Variants in NCOR2 observed in about 807,000 individuals in gnomAD.
NCOR2 encodes the protein CTG repeat protein 26.
A neutral mutation model predicts 262.9 loss-of-function variants in NCOR2; 81 were observed. The ratio of observed to expected loss-of-function variants is 0.31; its 90% CI spans 0.26 to 0.37. The LOEUF (loss-of-function observed/expected upper bound fraction) is 0.37. NCOR2 is among the 10% of genes least tolerant of loss of function. NCOR2 has a pLI of 1.00. For missense variants in NCOR2, 3,385 were observed against 3,621.4 expected, an observed-to-expected ratio of 0.93 and a Z score of 1.68; for synonymous variants, 1,659 against 1,559.3, an observed-to-expected ratio of 1.06 and a Z score of -1.51.
intron 45 of NCOR2, 55 bp from the exon 48 acceptor site, chr12:124,326,425 C>T (rs964534063): frequency 8.5e-6 from 12 of 1,405,258 alleles, no homozygotes; most frequent in South Asian, 4.8e-5. Context: ...ACAGCACCGA[C>T]GCTACGGTGG....
chr12:124,423,931 G>A (rs1388480272), intron 11 of NCOR2, among the ~76,000 whole-genome samples: 3 of 152,178 alleles, frequency 2.0e-5, no homozygotes, highest in Admixed American at 6.5e-5. Context: ...GCCCCATGCC[G>A]TCAGTAGGTG....
intron 1 of NCOR2, among the ~76,000 whole-genome samples, chr12:124,557,218 TG>T (rs2051911804): frequency 6.6e-6 from 1 of 152,184 alleles, no homozygotes; most frequent in African/African-American, 2.4e-5. Context: ...TGATGGGAGC[TG>T]TGTTCCCTTC....
At chr12:124,480,584 G>A (rs907746985) in intron 3 of NCOR2, among the ~76,000 whole-genome samples, 4 of 152,048 alleles carry the variant, frequency 2.6e-5, no homozygotes, top group Admixed American at 1.3e-4. Context: ...CCTCACCACC[G>A]CCACCGTCTA....
intron 1 of NCOR2, among the ~76,000 whole-genome samples, chr12:124,557,049 G>A (rs939291568): frequency 4.6e-5 from 7 of 152,356 alleles, no homozygotes; most frequent in South Asian, 2.1e-4. Context: ...GGCCCACGCC[G>A]GGGCAGAGGG....
intron 14 of NCOR2, among the ~76,000 whole-genome samples, chr12:124,402,198 GA>G (rs1371692499): frequency 6.6e-6 from 1 of 152,166 alleles, no homozygotes; most frequent in Non-Finnish European, 1.5e-5. Flanking sequence ...GGGCGGAGGA[GA>G]GGGGGGAGCC....
Position 124,531,502 on chromosome 12 carries a change from G to A in NCOR2, c.-118+4063C>T, listed in dbSNP as rs1289365444. On this transcript the variant is annotated intron_variant, in intron 1 of 46. Coordinates refer to the NCOR2 transcript ENST00000404621. This position sits in a 1 kb window ranked among gnomAD's most constrained non-coding sequence, Gnocchi z 4.5. ...CTGTGGGGAGAAGGAGGGAGGAGAA[G>A]GAGGGGTAGGGAGCAGGAAGGAAGG... 1.3e-5 allele frequency among the ~76,000 whole-genome samples: 2 copies of A among 152,210 alleles called. No individual in the cohort carries two copies. The highest frequency in any genetic ancestry group is 4.8e-5 in the African/African-American group (2 of 41,454).
At chr12:124,478,143 G>A (rs915294564) in intron 3 of NCOR2, among the ~76,000 whole-genome samples, 5 of 152,156 alleles carry the variant, frequency 3.3e-5, no homozygotes, top group Non-Finnish European at 7.3e-5. Flanking sequence ...AGGAAGGCCT[G>A]GAGTCACCGG....
exon 34 of NCOR2, chr12:124,341,825 C>T (rs773550297): frequency 1.6e-5 from 26 of 1,597,656 alleles, no homozygotes; most frequent in Non-Finnish European, 2.1e-5. Context: ...CCACTCACCT[C>T]GGGGACCCGC....
intron 3 of NCOR2, among the ~76,000 whole-genome samples, chr12:124,475,892 T>C (rs1210342654): frequency 6.6e-6 from 1 of 151,952 alleles, no homozygotes. Context: ...CCACGTGGGG[T>C]CCCAGCCACA....
intron 27 of NCOR2, 105 bp from the exon 30 acceptor site, chr12:124,350,842 A>C: frequency 8.2e-7 from 1 of 1,224,578 alleles, no homozygotes; most frequent in Non-Finnish European, 1.1e-6. Context: ...CCACCGATGC[A>C]CACGCGTGTC....
At chr12:124,545,040 G>A (rs1374894511) in intron 1 of NCOR2, among the ~76,000 whole-genome samples, 1 of 152,130 alleles carries the variant, frequency 6.6e-6, no homozygotes, top group Non-Finnish European at 1.5e-5. Context: ...GATGCCAGGG[G>A]CTACTCTGAA....
intron 16 of NCOR2, chr12:124,388,871 A>G: frequency 2.7e-5 from 3 of 109,592 alleles, no homozygotes; most frequent in Non-Finnish European, 3.5e-5. Context: ...ACGGTGAGGG[A>G]GGGAGGGAGG....
At chr12:124,331,645 A>G (rs918590788) in intron 43 of NCOR2, 1 of 154,446 alleles carries the variant, frequency 6.5e-6, no homozygotes, top group South Asian at 2.0e-4. Context: ...GGGTCTTGCT[A>G]TGTTGCACAG....
intron 5 of NCOR2, among the ~76,000 whole-genome samples, chr12:124,461,350 C>T (rs191754109): frequency 6.2e-4 from 94 of 152,340 alleles, no homozygotes; most frequent in African/African-American, 2.2e-3. Context: ...TGAGCGGCCC[C>T]GCTCACCGTG....
Position 124,483,533 on chromosome 12 carries a change from C to A in NCOR2, c.411+63G>T. ...GCACCCCTACCCACCACCTCCCACC[C>A]AGCCCAACCAGCAGCAGAACCTCAA... On this transcript the variant is annotated intron_variant, in intron 3 of 46. Coordinates refer to ENST00000405201, the Ensembl canonical transcript of NCOR2. This position sits in a 1 kb window ranked among gnomAD's most constrained non-coding sequence, Gnocchi z 6.3. 2.7e-6 allele frequency: 4 copies of A among 1,458,874 alleles called. No individual in the cohort carries two copies. The highest frequency in any genetic ancestry group is 1.4e-5 in the South Asian group (1 of 69,192). 90.4% of individuals were successfully genotyped at this position (1,458,874 alleles called of 1,614,324 possible). A position where few individuals can be genotyped will look rare whatever the true frequency, so the allele number is the denominator to read the frequency against.
chr12:124,442,913 C>T (rs906447591), intron 7 of NCOR2, among the ~76,000 whole-genome samples: 2 of 152,136 alleles, frequency 1.3e-5, no homozygotes, highest in Non-Finnish European at 1.5e-5. Flanking sequence ...CGAACAGACA[C>T]GGGAAGAACA....
chr12:124,459,284 A>G (rs2046040731), intron 5 of NCOR2, among the ~76,000 whole-genome samples: 1 of 152,136 alleles, frequency 6.6e-6, no homozygotes, highest in South Asian at 2.1e-4. Flanking sequence ...TAGCACCTAG[A>G]GAGCAAGGAA....
At chr12:124,349,338 T>C (rs2037230197) in intron 28 of NCOR2, among the ~76,000 whole-genome samples, 1 of 152,164 alleles carries the variant, frequency 6.6e-6, no homozygotes, top group Non-Finnish European at 1.5e-5. Context: ...TCAGAGGGAA[T>C]GAGCAACTGA....
chr12:124,436,489 G>A (rs2044343787), intron 8 of NCOR2, among the ~76,000 whole-genome samples: 1 of 152,236 alleles, frequency 6.6e-6, no homozygotes, highest in African/African-American at 2.4e-5. Context: ...TTCCCCAGGT[G>A]GGGACCTTTT....
Sources: gnomAD v4.1 joint callset for allele counts (sites outside exome capture counted in the v4.1 genomes callset) on GRCh38, gnomAD v4.1.1 for gene constraint, Gnocchi (gnomAD v3.1) non-coding constraint, MANE v1.5 for transcripts, NCBI Gene and HGNC (gene_info 2026-07-23, HGNC 2026-07-21) for gene names.